The following ASTN2 variants were observed in gnomAD, a reference collection of about 807,000 sequenced individuals.
ASTN2 encodes astrotactin 2.
ASTN2 carries 54 observed loss-of-function variants against 139.8 expected under a neutral mutation model. The ratio of observed to expected loss-of-function variants is 0.39; its 90% CI spans 0.31 to 0.48. The LOEUF (loss-of-function observed/expected upper bound fraction) is 0.48, where lower values mean the gene tolerates loss of function less well. Among genes scored for constraint, ASTN2 ranks in the 20% least tolerant of loss-of-function variants. The pLI is 0.95. For synonymous variants in ASTN2, 756 were observed against 719.5 expected, an observed-to-expected ratio of 1.05 and a Z score of -0.81; for missense variants, 1,565 against 1,725.1, an observed-to-expected ratio of 0.91 and a Z score of 1.64.
chr9:117,330,246 C>G (rs1828659194), intron 1 of ASTN2, among the ~76,000 whole-genome samples: 1 of 152,154 alleles, frequency 6.6e-6, no homozygotes, highest in African/African-American at 2.4e-5. Context: ...ATTCTCAGGC[C>G]TAACTCCTGC....
intron 1 of ASTN2, among the ~76,000 whole-genome samples, chr9:117,352,541 C>G (rs1829421102): frequency 6.6e-6 from 1 of 152,124 alleles, no homozygotes; most frequent in Non-Finnish European, 1.5e-5. Flanking sequence ...GATTGAGGCA[C>G]CAAGGGATAG....
rs183452840 is a variant in ASTN2 at position 116,678,992 on chromosome 9, G to A, written c.2807-27199C>T. Among the ~76,000 whole-genome samples the A allele has an allele frequency of 2.9e-4, 44 of 152,236 alleles. No individual in the cohort carries two copies. The East Asian group carries it at 7.9e-3, about 27-fold the overall frequency. ...TGTAATGTTAAAAGATAATGAAAGG[G>A]TTTCGTTTTTCCCTCTGGGTAAATG... is the stretch of plus-strand genomic sequence containing the variant. On this transcript the variant is annotated intron_variant, in intron 16 of 22. Coordinates refer to ENST00000313400, the MANE Select transcript of ASTN2 (RefSeq NM_001365068.1).
intron 13 of ASTN2, among the ~76,000 whole-genome samples, chr9:116,780,406 A>G (rs1423749028): frequency 6.6e-6 from 1 of 152,190 alleles, no homozygotes; most frequent in African/African-American, 2.4e-5. Context: ...TCTGCTCCCC[A>G]TGCTCTTAAC....
intron 2 of ASTN2, among the ~76,000 whole-genome samples, chr9:117,265,600 A>C (rs539395091): frequency 4.2e-4 from 64 of 152,362 alleles, no homozygotes; most frequent in African/African-American, 1.5e-3. Flanking sequence ...GAAATGAGAC[A>C]GAATCTCCAA....
At chr9:117,146,368 C>G (rs1032593839) in intron 3 of ASTN2, among the ~76,000 whole-genome samples, 1 of 149,834 alleles carries the variant, frequency 6.7e-6, no homozygotes, top group African/African-American at 2.5e-5. Context: ...AAGAGATTGT[C>G]AAGCTTAATG....
intron 5 of ASTN2, among the ~76,000 whole-genome samples, chr9:117,085,218 C>T (rs1828530580): frequency 6.6e-6 from 1 of 152,216 alleles, no homozygotes; most frequent in South Asian, 2.1e-4. Flanking sequence ...GGGGAAGATT[C>T]TGGATTGCTT....
At chr9:117,175,995 T>G (rs1335865713) in intron 3 of ASTN2, among the ~76,000 whole-genome samples, 1 of 151,800 alleles carries the variant, frequency 6.6e-6, no homozygotes, top group Admixed American at 6.6e-5. Context: ...AATATGATTA[T>G]TATCAATATT....
intron 13 of ASTN2, among the ~76,000 whole-genome samples, chr9:116,748,634 G>T (rs1829316063): frequency 6.6e-6 from 1 of 152,202 alleles, no homozygotes. Flanking sequence ...CATGGGTCTA[G>T]AATAAGAGCA....
intron 10 of ASTN2, among the ~76,000 whole-genome samples, chr9:116,954,559 A>G (rs1835656951): frequency 6.6e-6 from 1 of 152,212 alleles, no homozygotes; most frequent in Non-Finnish European, 1.5e-5. Context: ...AGTAACTACT[A>G]TTACTTTGTT....
intron 1 of ASTN2, among the ~76,000 whole-genome samples, chr9:117,393,669 T>G (rs954850717): frequency 3.9e-5 from 6 of 152,178 alleles, no homozygotes; most frequent in African/African-American, 1.4e-4. Context: ...TGTGCATTCA[T>G]GTCAGACAGT....
rs1491353959 is a variant in ASTN2, at chr9:116,586,827, T to TACAC, written c.3355+31496_3355+31497insGTGT. On this transcript the variant is annotated intron_variant, in intron 19 of 22. Transcript: ENST00000313400. ...CAGTTGAAATTCACACACACACACA[T>TACAC]ACATACACACACACACACACACACA... 1.2e-3 allele frequency among the ~76,000 whole-genome samples: 157 copies of TACAC among 136,518 alleles called. 1 individual carries two copies. Among genetic ancestry groups the TACAC allele is most frequent in the Admixed American group, 3.5e-3 (49 of 14,058 alleles). The allele number at this position is 136,518 out of a possible 152,430, so 89.6% of individuals were successfully genotyped here. A position where few individuals can be genotyped will look rare whatever the true frequency, so the allele number is the denominator to read the frequency against.
Position 116,698,883 on chromosome 9 carries a change from A to T in ASTN2, c.2806+26888T>A. 1.2e-6 allele frequency: 2 copies of T among 1,614,246 alleles called. No individual in the cohort carries two copies. The highest frequency in any genetic ancestry group is 2.2e-5 in the South Asian group (2 of 91,080). ...TCTTCCAGTCAGTCTCTACGTGACCAGTCAAGGTGAAGTACTAGTCGCTGA... is the reference window on the plus strand; with the variant it reads ...TCTTCCAGTCAGTCTCTACGTGACCTGTCAAGGTGAAGTACTAGTCGCTGA... On this transcript the variant is annotated intron_variant, in intron 16 of 22. Transcript: ENST00000313400. This position sits in a 1 kb window ranked among gnomAD's most constrained non-coding sequence, Gnocchi z 4.4.
At chr9:117,134,832 G>T (rs1829912598) in intron 4 of ASTN2, among the ~76,000 whole-genome samples, 1 of 152,116 alleles carries the variant, frequency 6.6e-6, no homozygotes, top group African/African-American at 2.4e-5. Context: ...GATCTAGTTG[G>T]CATATACCAC....
intron 3 of ASTN2, among the ~76,000 whole-genome samples, chr9:117,170,786 C>CA (rs1488064600): frequency 1.1e-4 from 17 of 152,242 alleles, no homozygotes; most frequent in Middle Eastern, 3.4e-3. Flanking sequence ...TTTTAGTCTT[C>CA]AGAAAAGAGG....
In ASTN2 at chr9:117,219,619, T is replaced by C. The variant is rs2133034276; in HGVS notation, c.631-4877A>G. 5.3e-5 allele frequency among the ~76,000 whole-genome samples: 8 copies of C among 152,308 alleles called. 1 individual carries two copies. The South Asian group carries it at 1.7e-3, about 32-fold the overall frequency. ...TCTAGAAATAATAACATCAGTCTAT[T>C]AGTTACAGGGTTGCTTCTGTGAGGT... On this transcript the variant is annotated intron_variant, in intron 2 of 22. Coordinates refer to ENST00000313400, the MANE Select transcript of ASTN2 (RefSeq NM_001365068.1).
chr9:116,979,689 G>C (rs1452112406), intron 7 of ASTN2, among the ~76,000 whole-genome samples: 1 of 152,190 alleles, frequency 6.6e-6, no homozygotes, highest in African/African-American at 2.4e-5. Flanking sequence ...ATTCATAATG[G>C]GAGAGGTAAA....
intron 11 of ASTN2, among the ~76,000 whole-genome samples, chr9:116,841,477 G>A (rs1208943964): frequency 6.6e-6 from 1 of 152,142 alleles, no homozygotes; most frequent in East Asian, 1.9e-4. Flanking sequence ...CTGACCTCCA[G>A]TGATCCTCCA....
At chr9:117,245,335 C>T (rs1833347751) in intron 2 of ASTN2, among the ~76,000 whole-genome samples, 1 of 152,184 alleles carries the variant, frequency 6.6e-6, no homozygotes, top group Non-Finnish European at 1.5e-5. Flanking sequence ...CCAAATGCTG[C>T]CACACGTCTT....
At chr9:117,064,217 A>T (rs890972862) in intron 5 of ASTN2, among the ~76,000 whole-genome samples, 5 of 152,070 alleles carry the variant, frequency 3.3e-5, no homozygotes, top group Non-Finnish European at 7.4e-5. Flanking sequence ...GTGGTGTTAG[A>T]GAGCTGTTAT....
Sources: gnomAD v4.1 joint callset for allele counts (sites outside exome capture counted in the v4.1 genomes callset) on GRCh38, gnomAD v4.1.1 for gene constraint, Gnocchi (gnomAD v3.1) non-coding constraint, MANE v1.5 for transcripts, NCBI Gene and HGNC (gene_info 2026-07-23, HGNC 2026-07-21) for gene names.